ITGBL1: variants seen among roughly 807,000 people sequenced by gnomAD.
ITGBL1 encodes integrin beta-like protein 1.
Under a neutral mutation model 68.5 loss-of-function variants are expected in ITGBL1, and 51 were observed. That is an observed-to-expected ratio of 0.74 (90% CI 0.59 to 0.94). The LOEUF is 0.94. Ranked by LOEUF, ITGBL1 falls within the 40% of genes least tolerant of loss-of-function variation. ITGBL1 has a pLI of 0.00. For synonymous variants in ITGBL1, 209 were observed against 227.3 expected (o/e 0.92, Z 0.72); for missense variants, 649 against 647.4 (o/e 1.00, Z -0.03).
At chr13:101,543,004 T>G (rs527875603) in intron 2 of ITGBL1, among the ~76,000 whole-genome samples, 120 of 152,352 alleles carry the variant, frequency 7.9e-4, no homozygotes, top group African/African-American at 2.6e-3. Flanking sequence ...GTCTTGACTC[T>G]TTATCCAATT....
chr13:101,486,003 C>A (rs1395882796), intron 2 of ITGBL1, among the ~76,000 whole-genome samples: 1 of 152,062 alleles, frequency 6.6e-6, no homozygotes. Context: ...TGGGTATCTA[C>A]CCAATGGAAA....
At chr13:101,537,298 C>T (rs2049595440) in intron 2 of ITGBL1, among the ~76,000 whole-genome samples, 3 of 151,794 alleles carry the variant, frequency 2.0e-5, no homozygotes, top group Non-Finnish European at 4.4e-5. Context: ...AAACCAAGAA[C>T]CAAAACAAAT....
chr13:101,597,972 A>G (rs910290913), intron 6 of ITGBL1, among the ~76,000 whole-genome samples, 181 bp from the exon 7 acceptor site: 2 of 152,160 alleles, frequency 1.3e-5, no homozygotes, highest in African/African-American at 2.4e-5. Flanking sequence ...CTACCCCTCA[A>G]GATCAATTCA....
chr13:101,605,117 TA>T (rs1269167163), intron 7 of ITGBL1, among the ~76,000 whole-genome samples: 2 of 146,784 alleles, frequency 1.4e-5, no homozygotes, highest in African/African-American at 5.0e-5. Flanking sequence ...TGTATATGTG[TA>T]AATATACATG....
At chr13:101,675,117 A>G (rs2033469050) in intron 7 of ITGBL1, among the ~76,000 whole-genome samples, 1 of 152,106 alleles carries the variant, frequency 6.6e-6, no homozygotes, top group African/African-American at 2.4e-5. Flanking sequence ...ATGCCATTTC[A>G]TCATCATCTG....
chr13:101,524,271 C>T (rs1001386784), intron 2 of ITGBL1, among the ~76,000 whole-genome samples: 2 of 151,986 alleles, frequency 1.3e-5, no homozygotes, highest in African/African-American at 4.8e-5. Flanking sequence ...AACAATGCCA[C>T]TCATGATATG....
At chr13:101,654,485 A>G (rs1484524987) in intron 7 of ITGBL1, among the ~76,000 whole-genome samples, 2 of 152,106 alleles carry the variant, frequency 1.3e-5, no homozygotes, top group African/African-American at 4.8e-5. Flanking sequence ...CATCCATTTT[A>G]CCAAAGGTTT....
intron 6 of ITGBL1, among the ~76,000 whole-genome samples, chr13:101,593,661 C>T (rs918535354): frequency 2.0e-5 from 3 of 151,814 alleles, no homozygotes; most frequent in Admixed American, 2.0e-4. Context: ...AAATAAGGCA[C>T]AGAAAGACCT....
intron 2 of ITGBL1, among the ~76,000 whole-genome samples, chr13:101,559,287 A>G (rs1011832070): frequency 6.6e-6 from 1 of 152,180 alleles, no homozygotes; most frequent in Non-Finnish European, 1.5e-5. Context: ...TGAGAAAAAG[A>G]AAATAATTGA....
chr13:101,720,538 G>GTA (rs2034900684), downstream of ITGBL1: 1 of 143,560 alleles, frequency 7.0e-6, no homozygotes, highest in African/African-American at 2.8e-5. Flanking sequence ...CTCTGTGTGT[G>GTA]TGTGTGTGTG....
At chr13:101,508,410 G>A (rs1204113399) in intron 2 of ITGBL1, among the ~76,000 whole-genome samples, 1 of 152,066 alleles carries the variant, frequency 6.6e-6, no homozygotes. Context: ...TAGACTGGTA[G>A]GAGTTATTGA....
chr13:101,497,808 G>T (rs1018380226), intron 2 of ITGBL1, among the ~76,000 whole-genome samples: 1 of 151,972 alleles, frequency 6.6e-6, no homozygotes, highest in Non-Finnish European at 1.5e-5. Flanking sequence ...ATGTGGAGGG[G>T]CTCTTCAAGC....
chr13:101,532,449 G>A (rs2049500666), intron 2 of ITGBL1, among the ~76,000 whole-genome samples: 1 of 152,170 alleles, frequency 6.6e-6, no homozygotes, highest in Non-Finnish European at 1.5e-5. Flanking sequence ...TTCAGCATGA[G>A]TATCTTTAGA....
chr13:101,678,481 G>GAT (rs1400289180), intron 7 of ITGBL1, among the ~76,000 whole-genome samples: 1 of 150,692 alleles, frequency 6.6e-6, no homozygotes, highest in East Asian at 2.0e-4. Flanking sequence ...GTGTATTAAG[G>GAT]AAGTGACAGA....
At chr13:101,473,573 T>C (rs575850222) in intron 2 of ITGBL1, among the ~76,000 whole-genome samples, 4 of 152,246 alleles carry the variant, frequency 2.6e-5, no homozygotes, top group Admixed American at 2.6e-4. Flanking sequence ...TGAAAGACAA[T>C]CTAGACCATA....
At chr13:101,628,599 A>ATTTTTTTTTTTTT (rs34600896) in intron 7 of ITGBL1, among the ~76,000 whole-genome samples, 1 of 140,702 alleles carries the variant, frequency 7.1e-6, no homozygotes, top group African/African-American at 2.7e-5. Flanking sequence ...TACCCAGCTA[A>ATTTTTTTTTTTTT]TTTTTTTTTT....
At position 101,657,153 on chromosome 13, in the gene ITGBL1, C is replaced by T. The variant is rs1397552061; in HGVS notation, c.1016-35432C>T. Reference sequence around the variant, plus strand: ...AATATAATGAAGCTTGTACAGTGTGCATTGTGTTTTAAGTTTGAATATGAA... The same window carrying T: ...AATATAATGAAGCTTGTACAGTGTGTATTGTGTTTTAAGTTTGAATATGAA... On this transcript the variant is annotated intron_variant, in intron 7 of 10. Coordinates refer to ENST00000376180, the MANE Select transcript of ITGBL1 (RefSeq NM_004791.3). 3.9e-5 allele frequency among the ~76,000 whole-genome samples: 6 copies of T among 152,180 alleles called. No individual in the cohort carries two copies. The South Asian group carries it at 1.0e-3, about 26-fold the overall frequency.
Position 101,452,844 on chromosome 13 carries a change from C to T in ITGBL1, c.11C>T (p.Pro4Leu), listed in dbSNP as rs2048182983. 3.1e-6 allele frequency: 5 copies of T among 1,614,094 alleles called. No individual in the cohort carries two copies. Among genetic ancestry groups the T allele is most frequent in the Middle Eastern group, 1.7e-4 (1 of 6,026 alleles). MRP[P>L]GFRNFLLLAS... is the part of the protein sequence containing the mutation. ...GCCCAGGAGCTCAGCATGCGTCCCCCAGGCTTCAGGAACTTCTTGCTGCTG... is the reference window on the plus strand; with the variant it reads ...GCCCAGGAGCTCAGCATGCGTCCCCTAGGCTTCAGGAACTTCTTGCTGCTG... Residue 4 changes from proline (P) to leucine (L), a missense_variant, in exon 1 of 11, where the codon CCA (proline) becomes CTA (leucine). By Grantham distance (98) the Pro-to-Leu change is moderately conservative (BLOSUM62 -3). Coordinates refer to ENST00000376180, the MANE Select transcript of ITGBL1 (RefSeq NM_004791.3).
intron 7 of ITGBL1, among the ~76,000 whole-genome samples, chr13:101,638,444 A>C (rs2032248530): frequency 6.6e-6 from 1 of 152,152 alleles, no homozygotes; most frequent in Non-Finnish European, 1.5e-5. Flanking sequence ...TAAAAAAAAA[A>C]AAACTATTTG....
Sources: gnomAD v4.1 joint callset for allele counts (sites outside exome capture counted in the v4.1 genomes callset) on GRCh38, gnomAD v4.1.1 for gene constraint, MANE v1.5 for transcripts, NCBI Gene and HGNC (gene_info 2026-07-23, HGNC 2026-07-21) for gene names.